IL22RA2: variants seen among roughly 807,000 people sequenced by gnomAD.
The protein encoded by IL22RA2 is interleukin 22 receptor subunit alpha 2, also known as interleukin-22 receptor subunit alpha-2.
IL22RA2 carries 39 observed loss-of-function variants against 30.7 expected under a neutral mutation model. The observed-to-expected ratio is 1.27, with a 90% confidence interval of 0.98 to 1.66. The LOEUF (loss-of-function observed/expected upper bound fraction) is 1.66. Among genes scored for constraint, IL22RA2 ranks in the 40% most tolerant of loss-of-function variants. The pLI is 0.00. For missense variants in IL22RA2, 315 were observed against 312.7 expected (o/e 1.01, Z -0.05); for synonymous variants, 103 against 105.0 (o/e 0.98, Z 0.11).
chr6:137,170,761 C>T (rs573758629), intron 1 of IL22RA2, among the ~76,000 whole-genome samples: 8 of 152,090 alleles, frequency 5.3e-5, no homozygotes, highest in Admixed American at 2.0e-4. Context: ...AAAGGGCCTG[C>T]GTGATTCAGA....
In IL22RA2 at chr6:137,156,773, G is replaced by A. The variant is rs1778415303; in HGVS notation, c.279C>T (p.Cys93=). The stretch of plus-strand genomic sequence containing the variant: ...AAGAGGTGTACTTAGCCAATGTTCT[G>A]CAGCCTGGGAAGTTACAAGAAATGT... ...WQHISCNFPG[C]RTLAKYGQRQ... The change falls in exon 4 of 7, where the codon TGC becomes TGT. Residue 93 remains cysteine, a synonymous_variant. Transcript: ENST00000296980. 6.2e-7 allele frequency: 1 copy of A among 1,613,696 alleles called. No homozygotes were observed. The highest frequency in any genetic ancestry group is 1.3e-5 in the African/African-American group (1 of 74,924).
rs540670533 is a variant in IL22RA2, at chr6:137,165,215, G to T, written c.-65-3401C>A. Among the ~76,000 whole-genome samples the T allele has an allele frequency of 2.0e-5, 3 of 152,320 alleles. No homozygotes were observed. In the South Asian group the frequency reaches 6.2e-4, roughly 32 times the overall value. ...GAAAAAGGCCACCAATATCGGAAAGGTCTCAGAGGTTCGCCAGAAGCCAGA... is the reference window on the plus strand; with the variant it reads ...GAAAAAGGCCACCAATATCGGAAAGTTCTCAGAGGTTCGCCAGAAGCCAGA... On this transcript the variant is annotated intron_variant, in intron 1 of 6. Transcript: ENST00000296980.
rs142863060 is a variant in IL22RA2 at position 137,145,682 on chromosome 6, T to C, written c.734A>G (p.Gln245Arg). The change falls in exon 7 of 7, where the codon CAG becomes CGG. Residue 245 changes from glutamine to arginine, a missense_variant. Transcript: ENST00000296980. ...CTGACTTCTTCTGTCTAACATGGGC[T>C]GATATATTTCAGCCACTACACAGTA... The part of the protein sequence containing the change: ...SSYCVVAEIY[Q>R]PMLDRRSQRS... 670 of 1,613,574 alleles carry C rather than the reference T, an allele frequency of 4.2e-4. No homozygotes were observed. Among genetic ancestry groups the C allele is most frequent in the Non-Finnish European group, 5.4e-4 (641 of 1,179,774 alleles).
intron 1 of IL22RA2, among the ~76,000 whole-genome samples, chr6:137,167,374 A>T (rs1033700486): frequency 1.3e-5 from 2 of 152,182 alleles, no homozygotes; most frequent in African/African-American, 4.8e-5. Context: ...ACCCTATAAG[A>T]TAGTGTTTGG....
At position 137,166,986 on chromosome 6, in the gene IL22RA2, GGTGCATGCTAGTGTTTGTCT is replaced by G. The variant is rs1184683203; in HGVS notation, c.-65-5192_-65-5173del. 5.9e-5 allele frequency among the ~76,000 whole-genome samples: 9 copies of G among 152,306 alleles called. No individual in the cohort carries two copies. The East Asian group carries it at 9.6e-4, about 16-fold the overall frequency. ...GAGCTGCCTCGAACCGGAGGCTACC[GGTGCATGCTAGTGTTTGTCT>G]GCACTTTCTCAGGGTGGGTTGAGGC... On this transcript the variant is annotated intron_variant, in intron 1 of 6. Coordinates refer to ENST00000296980, the MANE Select transcript of IL22RA2 (RefSeq NM_052962.3).
chr6:137,150,883 T>C (rs370951889), intron 5 of IL22RA2, among the ~76,000 whole-genome samples: 14 of 152,106 alleles, frequency 9.2e-5, no homozygotes, highest in East Asian at 3.9e-4. Flanking sequence ...TCCTGCTAAT[T>C]AGAGAGTTGG....
chr6:137,157,685 C>G (rs1322267906), intron 3 of IL22RA2, among the ~76,000 whole-genome samples: 1 of 151,752 alleles, frequency 6.6e-6, no homozygotes, highest in Non-Finnish European at 1.5e-5. Flanking sequence ...CCCCTCACCC[C>G]CCCAGAAATA....
At chr6:137,152,294 T>C (rs1296162636) in intron 5 of IL22RA2, among the ~76,000 whole-genome samples, 1 of 152,150 alleles carries the variant, frequency 6.6e-6, no homozygotes, top group Admixed American at 6.6e-5. Context: ...GCATTATTCA[T>C]AATAGCCAAA....
chr6:137,157,681 A>AC (rs796192184), intron 3 of IL22RA2, among the ~76,000 whole-genome samples: 10 of 118,976 alleles, frequency 8.4e-5, no homozygotes, highest in African/African-American at 3.0e-4. Flanking sequence ...AACCCCCCTC[A>AC]CCCCCCCAGA....
At chr6:137,150,064 G>T (rs1478612796) in intron 5 of IL22RA2, among the ~76,000 whole-genome samples, 2 of 152,192 alleles carry the variant, frequency 1.3e-5, no homozygotes, top group Non-Finnish European at 2.9e-5. Context: ...TTTAACTGAA[G>T]AAAGTTTACT....
intron 4 of IL22RA2, among the ~76,000 whole-genome samples, chr6:137,156,520 A>G (rs1033842677): frequency 5.3e-5 from 8 of 152,236 alleles, no homozygotes; most frequent in Admixed American, 1.3e-4. Context: ...TTAAAATAAT[A>G]TCTCATTGTT....
chr6:137,156,757 A>G lies in IL22RA2; in HGVS notation c.293+2T>C, dbSNP rs1389991504. ...GGTAATTGATAAGGAAAAGAGGTGT[A>G]CTTAGCCAATGTTCTGCAGCCTGGG... On this transcript the variant is annotated splice_donor_variant, in intron 4 of 6. Coordinates refer to ENST00000296980, the MANE Select transcript of IL22RA2 (RefSeq NM_052962.3). LOFTEE classifies it high-confidence loss of function. 5.6e-6 allele frequency: 9 copies of G among 1,613,502 alleles called. No homozygotes were observed. Among genetic ancestry groups the G allele is most frequent in the Non-Finnish European group, 5.9e-6 (7 of 1,179,446 alleles).
chr6:137,169,649 G>A (rs988543873), intron 1 of IL22RA2, among the ~76,000 whole-genome samples: 1 of 152,192 alleles, frequency 6.6e-6, no homozygotes, highest in Non-Finnish European at 1.5e-5. Context: ...ATGGGTCATG[G>A]GGATACTGTA....
intron 2 of IL22RA2, among the ~76,000 whole-genome samples, chr6:137,159,505 T>C (rs1273548684): frequency 6.6e-6 from 1 of 152,154 alleles, no homozygotes; most frequent in Admixed American, 6.5e-5. Flanking sequence ...GTATTTTTAG[T>C]AGAGATGGGG....
rs540781721 is a variant in IL22RA2 at position 137,162,354 on chromosome 6, C to T, written c.-65-540G>A. ...CCCTTCCACTGCATCTGGCTCTCCA[C>T]GGGGCTCCCTGCCGTACTCTTCAGC... On this transcript the variant is annotated intron_variant, in intron 1 of 6. Transcript: ENST00000296980. Among the ~76,000 whole-genome samples, 20 of 152,272 alleles carry T rather than the reference C, an allele frequency of 1.3e-4. No individual in the cohort carries two copies. The East Asian group carries it at 2.3e-3, about 18-fold the overall frequency.
rs1778129457 is a variant in IL22RA2, at chr6:137,144,253, G to A, written c.*1371C>T. ...CAAATCAATGTTTTCTGAGCATACA[G>A]GGAAGCAAGGAAACCAATTCTCTAG... On this transcript the variant is annotated 3_prime_UTR_variant, in exon 7 of 7. Coordinates refer to ENST00000296980, the MANE Select transcript of IL22RA2 (RefSeq NM_052962.3). 6.6e-6 allele frequency: 1 copy of A among 152,094 alleles called. No individual in the cohort carries two copies. 9.4% of individuals were successfully genotyped at this position (152,094 alleles called of 1,614,324 possible).
chr6:137,163,269 G>A (rs749203761), intron 1 of IL22RA2, among the ~76,000 whole-genome samples: 1 of 152,132 alleles, frequency 6.6e-6, no homozygotes, highest in Non-Finnish European at 1.5e-5. Context: ...CTTTGCTCAG[G>A]GCTCAGACTT....
At chr6:137,159,213 C>G (rs922432764) in intron 2 of IL22RA2, among the ~76,000 whole-genome samples, 1 of 152,186 alleles carries the variant, frequency 6.6e-6, no homozygotes, top group African/African-American at 2.4e-5. Context: ...GTGGTACAAC[C>G]TTGCTTGCCT....
Position 137,147,855 on chromosome 6 carries a change from A to G in IL22RA2, c.509T>C (p.Val170Ala), listed in dbSNP as rs932310229. ...IDPPVMNITQ[V>A]NGSLLVILHA... ...GAGAATTACCAACAAAGAGCCATTG[A>G]CTTGGGTTATATTCATGACTGGAGG... Residue 170 changes from valine to alanine, a missense_variant, in exon 6 of 7, where the codon GTC (valine) becomes GCC (alanine). By Grantham distance (64) the Val-to-Ala change is moderately conservative. Coordinates refer to ENST00000296980, the MANE Select transcript of IL22RA2 (RefSeq NM_052962.3). The G allele has an allele frequency of 2.5e-6, 4 of 1,612,230 alleles. No individual in the cohort carries two copies. Among genetic ancestry groups the G allele is most frequent in the Non-Finnish European group, 3.4e-6 (4 of 1,179,452 alleles).
Sources: allele counts gnomAD v4.1 joint callset (sites outside exome capture counted in the v4.1 genomes callset), GRCh38; gene constraint gnomAD v4.1.1; transcripts MANE v1.5; gene names NCBI Gene and HGNC (gene_info 2026-07-23, HGNC 2026-07-21).